S100PBP: variants seen among roughly 807,000 people sequenced by gnomAD.
S100PBP encodes S100P binding protein.
A neutral mutation model predicts 39.9 loss-of-function variants in S100PBP; 15 were observed. The observed-to-expected ratio is 0.38, with a 90% CI of 0.25 to 0.58. The LOEUF (loss-of-function observed/expected upper bound fraction) is 0.58. Among genes scored for constraint, S100PBP ranks in the 20% least tolerant of loss-of-function variants. The probability of loss-of-function intolerance (pLI) is 0.70; values close to 1 mark genes in which losing one functional copy is unlikely to be tolerated. For missense variants in S100PBP, 504 were observed against 487.3 expected (o/e 1.03, Z -0.32); for synonymous variants, 178 against 180.3 (o/e 0.99, Z 0.10).
intron 5 of S100PBP, among the ~76,000 whole-genome samples, chr1:32,851,171 T>C (rs1218755879): frequency 6.6e-6 from 1 of 152,216 alleles, no homozygotes; most frequent in Non-Finnish European, 1.5e-5. Context: ...TACAGTATAC[T>C]TTCTCTACAA....
intron 3 of S100PBP, among the ~76,000 whole-genome samples, chr1:32,827,701 G>A (rs180714024): frequency 2.3e-3 from 349 of 151,194 alleles, no homozygotes; most frequent in African/African-American, 7.9e-3. Flanking sequence ...GGATGGTCTC[G>A]AACTCCTGAC....
chr1:32,844,343 G>A (rs1640258373), intron 5 of S100PBP, among the ~76,000 whole-genome samples: 2 of 152,298 alleles, frequency 1.3e-5, no homozygotes, highest in Admixed American at 6.5e-5. Flanking sequence ...GAGCCATTGT[G>A]CCCGAACCTG....
rs1051046804 is a variant in S100PBP at position 32,841,798 on chromosome 1, A to G, written c.1025-11281A>G. On this transcript the variant is annotated intron_variant, in intron 5 of 6. Transcript: ENST00000373475. ...GTGGTATCTAAGAAATCTTTGCTTAAAAGAAAAGGCCACAAAAATTTTCTC... is the reference window on the plus strand; with the variant it reads ...GTGGTATCTAAGAAATCTTTGCTTAGAAGAAAAGGCCACAAAAATTTTCTC... Among the ~76,000 whole-genome samples the G allele has an allele frequency of 9.9e-5, 15 of 152,092 alleles. No individual in the cohort carries two copies. In the East Asian group the frequency reaches 2.9e-3, roughly 29 times the overall value.
intron 1 of S100PBP, chr1:32,824,815 A>AT (rs1639249654): frequency 1.8e-5 from 1 of 56,372 alleles, no homozygotes; most frequent in Middle Eastern, 7.6e-3. Context: ...TTTTTTTTGC[A>AT]TTTTTTCTAT....
rs985157194 is a variant in S100PBP at position 32,858,285 on chromosome 1, A to G, written c.*2247A>G. 2 of 152,668 alleles carry G rather than the reference A, an allele frequency of 1.3e-5. No homozygotes were observed. The highest frequency in any genetic ancestry group is 4.8e-5 in the African/African-American group (2 of 41,462). 9.5% of individuals were successfully genotyped at this position (152,668 alleles called of 1,614,324 possible). ...CTGCCTTTGCCAAATCAAATGAGTG[A>G]CAGGTTAACTAGAAAATGTGACAAT... is the stretch of plus-strand genomic sequence containing the variant. On this transcript the variant is annotated 3_prime_UTR_variant, in exon 7 of 7. Transcript: ENST00000373475.
chr1:32,845,091 C>A (rs1049367418), intron 5 of S100PBP, among the ~76,000 whole-genome samples: 3 of 151,836 alleles, frequency 2.0e-5, no homozygotes. Context: ...GTGGCGCGAT[C>A]TTGGCTCACT....
At chr1:32,820,737 C>T (rs1475621217) in intron 1 of S100PBP, 2 of 152,098 alleles carry the variant, frequency 1.3e-5, no homozygotes, top group African/African-American at 2.4e-5. Context: ...TATGGTGGCT[C>T]AATGCCTGTA....
chr1:32,857,401 C>T lies in S100PBP; in HGVS notation c.*1363C>T, dbSNP rs1640859551. The T allele has an allele frequency of 6.6e-6, 1 of 152,182 alleles. No individual in the cohort carries two copies. Among genetic ancestry groups the T allele is most frequent in the Admixed American group, 6.5e-5 (1 of 15,280 alleles). 9.4% of individuals were successfully genotyped at this position (152,182 alleles called of 1,614,324 possible). On this transcript the variant is annotated 3_prime_UTR_variant, in exon 7 of 7. Transcript: ENST00000373475. The stretch of plus-strand genomic sequence containing the variant: ...TCTCCACTCACCACAACCTCCGCCT[C>T]CTGGGTTCAAGGGATTCTCCTGTCT...
intron 1 of S100PBP, among the ~76,000 whole-genome samples, chr1:32,824,517 T>C (rs1283315507): frequency 1.3e-5 from 2 of 151,998 alleles, no homozygotes; most frequent in Non-Finnish European, 2.9e-5. Flanking sequence ...TTGACCTACC[T>C]TTATGGTCCC....
At chr1:32,829,571 T>A (rs1639497748) in intron 4 of S100PBP, among the ~76,000 whole-genome samples, 1 of 152,132 alleles carries the variant, frequency 6.6e-6, no homozygotes. Flanking sequence ...CAAGTCATCC[T>A]CCCTCCTCAG....
intron 5 of S100PBP, among the ~76,000 whole-genome samples, chr1:32,846,342 G>A (rs1382193640): frequency 6.7e-6 from 1 of 148,782 alleles, no homozygotes; most frequent in African/African-American, 2.5e-5. Flanking sequence ...GCATATAATT[G>A]GTAGCTGGGT....
At chr1:32,832,746 T>C (rs368331236) in intron 5 of S100PBP, among the ~76,000 whole-genome samples, 2 of 152,226 alleles carry the variant, frequency 1.3e-5, no homozygotes, top group African/African-American at 4.8e-5. Context: ...GAGATGTTTA[T>C]TGCATTTAAC....
At chr1:32,820,093 T>C (rs561948813) in intron 1 of S100PBP, among the ~76,000 whole-genome samples, 35 of 151,046 alleles carry the variant, frequency 2.3e-4, no homozygotes, top group African/African-American at 8.5e-4. Context: ...AAGCAGGGTC[T>C]AGGGGAAATT....
intron 6 of S100PBP, among the ~76,000 whole-genome samples, chr1:32,853,768 GTGTC>G (rs958755336): frequency 5.9e-5 from 9 of 152,070 alleles, no homozygotes; most frequent in African/African-American, 2.2e-4. Flanking sequence ...ATGGTGGTGT[GTGTC>G]TGTAGTCCCT....
At chr1:32,827,725 C>G (rs1015298976) in intron 3 of S100PBP, among the ~76,000 whole-genome samples, 1 of 151,834 alleles carries the variant, frequency 6.6e-6, no homozygotes, top group East Asian at 1.9e-4. Flanking sequence ...AGGTGATCCA[C>G]CCGCCTTGGC....
At chr1:32,837,101 T>A (rs11590675) in intron 5 of S100PBP, 2 of 138,430 alleles carry the variant, frequency 1.4e-5, no homozygotes, top group Admixed American at 7.5e-5. Context: ...AAAATTAGCC[T>A]GGTGTGGTGG....
At position 32,840,281 on chromosome 1, in the gene S100PBP, C is replaced by T. The variant is rs112197461; in HGVS notation, c.1024+10214C>T. On this transcript the variant is annotated intron_variant, in intron 5 of 6. Transcript: ENST00000373475. ...GATTACAGGCTTGAGCCACCGCACTCGGCCTAATTTTTTGTATTTTTGGTA... is the reference window on the plus strand; with the variant it reads ...GATTACAGGCTTGAGCCACCGCACTTGGCCTAATTTTTTGTATTTTTGGTA... Among the ~76,000 whole-genome samples the T allele has an allele frequency of 3.5e-3, 529 of 151,940 alleles. 7 individuals carry two copies. Among genetic ancestry groups the T allele is most frequent in the African/African-American group, 0.012 (500 of 41,434 alleles).
intron 4 of S100PBP, 74 bp from the exon 5 acceptor site, chr1:32,829,890 A>C: frequency 1.0e-6 from 1 of 987,448 alleles, no homozygotes; most frequent in South Asian, 1.3e-5. Context: ...GCAGTATATC[A>C]CTTCTCTCTA....
intron 5 of S100PBP, among the ~76,000 whole-genome samples, chr1:32,851,167 A>G (rs1640592183): frequency 6.6e-6 from 1 of 152,180 alleles, no homozygotes; most frequent in African/African-American, 2.4e-5. Context: ...AGTATACAGT[A>G]TACTTTCTCT....
Sources: allele counts gnomAD v4.1 joint callset (sites outside exome capture counted in the v4.1 genomes callset), GRCh38; gene constraint gnomAD v4.1.1; transcripts MANE v1.5; gene names NCBI Gene and HGNC (gene_info 2026-07-23, HGNC 2026-07-21).